Variants in IGSF10 observed in about 807,000 individuals in gnomAD.
The protein encoded by IGSF10 is immunoglobulin superfamily member 10, also known as calvaria mechanical force protein 608.
A neutral mutation model predicts 128.2 loss-of-function variants in IGSF10; 126 were observed. The ratio of observed to expected loss-of-function variants is 0.98; its 90% CI spans 0.85 to 1.14. The LOEUF (loss-of-function observed/expected upper bound fraction) is 1.14. Ranked by LOEUF, IGSF10 falls within the 50% of genes most tolerant of loss-of-function variation. The pLI is 0.00. For synonymous variants in IGSF10, 1,185 were observed against 1,146.2 expected, an observed-to-expected ratio of 1.03 and a Z score of -0.68; for missense variants, 3,295 against 3,149.8, an observed-to-expected ratio of 1.05 and a Z score of -1.10.
upstream of IGSF10, among the ~76,000 whole-genome samples, chr3:151,464,416 A>AT (rs561870630): frequency 2.1e-4 from 32 of 152,136 alleles, no homozygotes; most frequent in South Asian, 2.7e-3. Context: ...CTTTGACATT[A>AT]TTTGCTGTCT....
the IGSF10 span, among the ~76,000 whole-genome samples, chr3:151,481,360 A>G: frequency 6.6e-6 from 1 of 152,184 alleles, no homozygotes; most frequent in Non-Finnish European, 1.5e-5. Flanking sequence ...AAGCAACTGC[A>G]GCATCTTTCC....
chr3:151,593,904 A>C, the IGSF10 span, among the ~76,000 whole-genome samples: 3,785 of 152,266 alleles, frequency 0.025, 107 homozygotes, highest in East Asian at 0.12. Context: ...ACTTTCATGA[A>C]AAATGATAAT....
At chr3:151,467,907 GA>G in the IGSF10 span, among the ~76,000 whole-genome samples, 1 of 150,076 alleles carries the variant, frequency 6.7e-6, no homozygotes. Context: ...AAAGAAAAAA[GA>G]AAAAAAGAAA....
chr3:151,452,282 A>C (rs1721545602), intron 5 of IGSF10, among the ~76,000 whole-genome samples: 1 of 152,242 alleles, frequency 6.6e-6, no homozygotes, highest in Admixed American at 6.5e-5. Context: ...AACATTATGC[A>C]GTGTACTTAC....
the IGSF10 span, among the ~76,000 whole-genome samples, chr3:151,507,975 C>A: frequency 6.6e-6 from 1 of 152,004 alleles, no homozygotes; most frequent in African/African-American, 2.4e-5. Flanking sequence ...ATTGGAAGAA[C>A]TATTTTTCTA....
At chr3:151,483,143 T>C in the IGSF10 span, among the ~76,000 whole-genome samples, 5 of 152,174 alleles carry the variant, frequency 3.3e-5, no homozygotes, top group African/African-American at 1.2e-4. Context: ...TAGAGTCAAA[T>C]TTGGAATGTG....
chr3:151,449,598 C>T (rs1721414756), intron 5 of IGSF10, among the ~76,000 whole-genome samples: 1 of 152,096 alleles, frequency 6.6e-6, no homozygotes, highest in Non-Finnish European at 1.5e-5. Flanking sequence ...AAATGATATG[C>T]TCATGTTTGT....
Position 151,446,012 on chromosome 3 carries a change from A to C in IGSF10, c.3969T>G (p.Pro1323=). Reference sequence around the variant, plus strand: ...AAGTGATGACAGATGCAGGGAAGGTAGGAGTTGTTGCTGGTATTGCTGTTT... The same window carrying C: ...AAGTGATGACAGATGCAGGGAAGGTCGGAGTTGTTGCTGGTATTGCTGTTT... ...STQTAIPATT[P]TFPASVITYE... Residue 1323 remains proline (P), a synonymous_variant, in exon 6 of 8, where the codon CCT becomes CCG. Coordinates refer to ENST00000282466, the MANE Select transcript of IGSF10 (RefSeq NM_178822.5). 6.2e-7 allele frequency: 1 copy of C among 1,613,736 alleles called. No individual in the cohort carries two copies. Among genetic ancestry groups the C allele is most frequent in the Non-Finnish European group, 8.5e-7 (1 of 1,180,030 alleles).
the IGSF10 span, among the ~76,000 whole-genome samples, chr3:151,602,875 G>T: frequency 6.6e-6 from 1 of 152,144 alleles, no homozygotes; most frequent in South Asian, 2.1e-4. Context: ...ATATTGTTTG[G>T]AGTTTTTCTT....
chr3:151,489,017 T>C, the IGSF10 span, among the ~76,000 whole-genome samples: 1 of 152,150 alleles, frequency 6.6e-6, no homozygotes, highest in Non-Finnish European at 1.5e-5. Flanking sequence ...CAAAAGAAAC[T>C]ATCATCAGAA....
chr3:151,441,357 C>T (rs1202486655), intron 7 of IGSF10, among the ~76,000 whole-genome samples: 2 of 152,176 alleles, frequency 1.3e-5, no homozygotes, highest in African/African-American at 2.4e-5. Flanking sequence ...CTCCAAAGCA[C>T]AAAACTCACA....
chr3:151,588,875 G>A, the IGSF10 span, among the ~76,000 whole-genome samples: 2 of 152,184 alleles, frequency 1.3e-5, no homozygotes, highest in Non-Finnish European at 2.9e-5. Flanking sequence ...GGCTTGCTAT[G>A]AATGCATAGT....
At chr3:151,556,604 G>C in the IGSF10 span, among the ~76,000 whole-genome samples, 3 of 152,088 alleles carry the variant, frequency 2.0e-5, no homozygotes, top group Non-Finnish European at 4.4e-5. Context: ...GAGAGAGAAA[G>C]GAGCAGACAG....
At position 151,437,213 on chromosome 3, in the gene IGSF10, G is replaced by A. The variant is rs111468413; in HGVS notation, c.7348C>T (p.Leu2450=). Residue 2450 remains leucine (L), a synonymous_variant, in exon 8 of 8, where the codon CTA becomes TTA. Transcript: ENST00000282466. ...GTVKGISGES[L]SLHCVSDGIP... is the part of the protein sequence containing the mutation. ...CCATCAGACACACAATGCAGTGATA[G>A]AGATTCTCCACTGATGCCTTTTACT... is the stretch of plus-strand genomic sequence containing the variant. 2,539 of 1,614,144 alleles carry A rather than the reference G, an allele frequency of 1.6e-3. 28 individuals are homozygous for A. In the African/African-American group the frequency reaches 0.03, roughly 19 times the overall value.
chr3:151,480,017 G>A, the IGSF10 span, among the ~76,000 whole-genome samples: 1 of 151,522 alleles, frequency 6.6e-6, no homozygotes, highest in East Asian at 1.9e-4. Context: ...CTATTCAGGA[G>A]TGCATATCCA....
At chr3:151,618,545 A>T in the IGSF10 span, among the ~76,000 whole-genome samples, 1 of 151,960 alleles carries the variant, frequency 6.6e-6, no homozygotes, top group Non-Finnish European at 1.5e-5. Flanking sequence ...CCTGGCTAAC[A>T]CAGTGAAACC....
Position 151,443,536 on chromosome 3 carries a change from G to A in IGSF10, c.5411C>T (p.Thr1804Ile), listed in dbSNP as rs765448257. The A allele has an allele frequency of 3.7e-6, 6 of 1,614,132 alleles. No individual in the cohort carries two copies. The highest frequency in any genetic ancestry group is 8.5e-7 in the Non-Finnish European group (1 of 1,180,054). Reference protein sequence around the residue: ...SRQAVVTVDGTLVLHNLSIYD... With the variant: ...SRQAVVTVDGILVLHNLSIYD... ...AATACTGAGATTGTGGAGGACCAAT[G>A]TTCCGTCAACCGTCACCACAGCCTG... The change falls in exon 7 of 8, where the codon ACA becomes ATA. Residue 1804 changes from threonine (T) to isoleucine (I), a missense_variant. By Grantham distance (89) the Thr-to-Ile change is moderately conservative. Transcript: ENST00000282466.
At chr3:151,508,521 T>A in the IGSF10 span, among the ~76,000 whole-genome samples, 3 of 152,128 alleles carry the variant, frequency 2.0e-5, no homozygotes, top group Non-Finnish European at 4.4e-5. Flanking sequence ...GGAAACTGAG[T>A]CTCCTTTATC....
the IGSF10 span, among the ~76,000 whole-genome samples, chr3:151,501,361 A>G: frequency 4.6e-5 from 7 of 151,960 alleles, no homozygotes; most frequent in Non-Finnish European, 1.0e-4. Flanking sequence ...AATCTTTTTT[A>G]TATGTAAAAT....
Sources: gnomAD v4.1 joint callset for allele counts (sites outside exome capture counted in the v4.1 genomes callset) on GRCh38, gnomAD v4.1.1 for gene constraint, MANE v1.5 for transcripts, NCBI Gene and HGNC (gene_info 2026-07-23, HGNC 2026-07-21) for gene names.